PLCG2: variants seen among roughly 807,000 people sequenced by gnomAD.
The protein encoded by PLCG2 is phospholipase C gamma 2.
Under a neutral mutation model 175.6 loss-of-function variants are expected in PLCG2, and 69 were observed. The observed-to-expected ratio is 0.39, with a 90% confidence interval of 0.32 to 0.48. PLCG2 has a LOEUF of 0.48. PLCG2 is among the 20% of genes least tolerant of loss of function. The pLI is 0.91. For synonymous variants in PLCG2, 827 were observed against 624.0 expected, an observed-to-expected ratio of 1.33 and a Z score of -4.85; for missense variants, 1,798 against 1,650.9, an observed-to-expected ratio of 1.09 and a Z score of -1.54.
At chr16:81,946,400 G>C (rs1567545518) in intron 31 of PLCG2, 137 bp downstream of exon 31, 1 of 661,248 alleles carries the variant, frequency 1.5e-6, no homozygotes, top group African/African-American at 1.8e-5. Context: ...CATCATACAA[G>C]AATTCCTTTT....
intron 23 of PLCG2, among the ~76,000 whole-genome samples, chr16:81,928,298 C>T (rs1277692649): frequency 6.6e-6 from 1 of 152,094 alleles, no homozygotes; most frequent in Non-Finnish European, 1.5e-5. Flanking sequence ...CATTATGAAA[C>T]CTGTTCTAGA....
At chr16:81,801,287 A>G (rs1911706015) in intron 2 of PLCG2, among the ~76,000 whole-genome samples, 1 of 152,214 alleles carries the variant, frequency 6.6e-6, no homozygotes, top group South Asian at 2.1e-4. Flanking sequence ...TTCCCTCCCT[A>G]GAGAAATCAG....
chr16:81,803,874 G>A lies in PLCG2; in HGVS notation c.193+17692G>A, dbSNP rs148278838. 2.0e-5 allele frequency among the ~76,000 whole-genome samples: 3 copies of A among 152,204 alleles called. No individual in the cohort carries two copies. The East Asian group carries it at 5.8e-4, about 29-fold the overall frequency. On this transcript the variant is annotated intron_variant, in intron 2 of 32. Transcript: ENST00000564138. ...GTTTTGTATTTTTAATACAGACAGG[G>A]TTTCACTATGTTGGCCAAGCTAGTC...
chr16:81,954,278 C>T (rs1402167317), intron 31 of PLCG2, among the ~76,000 whole-genome samples: 1 of 152,228 alleles, frequency 6.6e-6, no homozygotes, highest in Non-Finnish European at 1.5e-5. Flanking sequence ...ACCTCAGCCT[C>T]CCAAAGTGCT....
chr16:81,883,214 G>A (rs535744756), intron 8 of PLCG2, 55 bp from the exon 9 acceptor site: 17 of 1,520,054 alleles, frequency 1.1e-5, no homozygotes, highest in Middle Eastern at 1.7e-4. Flanking sequence ...ATCTCCTCTC[G>A]ACTCCTCTGT....
At chr16:81,755,535 T>G (rs1909904101) in intron 1 of PLCG2, among the ~76,000 whole-genome samples, 1 of 148,454 alleles carries the variant, frequency 6.7e-6, no homozygotes, top group South Asian at 2.1e-4. Context: ...TCAGCTTCTC[T>G]TATTTTTTGA....
intron 31 of PLCG2, among the ~76,000 whole-genome samples, chr16:81,953,805 A>G (rs1205963053): frequency 6.6e-6 from 1 of 152,198 alleles, no homozygotes; most frequent in Non-Finnish European, 1.5e-5. Context: ...ACCCAGGACT[A>G]CAGTATGTAA....
rs1476765154 is a variant in PLCG2, at chr16:81,927,113, C to A, written c.2449C>A (p.Gln817Lys). ...WKGDYGTRIQ[Q>K]YFPSNYVEDI... ...AGGAGACTATGGAACCAGGATCCAG[C>A]AGTACTTCCCATCCAACTACGTCGA... The change falls in exon 23 of 33, where the codon CAG (glutamine) becomes AAG (lysine). Residue 817 changes from glutamine (Q) to lysine (K), a missense_variant. Physicochemically the swap from Gln to Lys is moderately conservative, Grantham distance 53. Transcript: ENST00000564138. The A allele has an allele frequency of 6.2e-7, 1 of 1,613,630 alleles. No individual in the cohort carries two copies. The highest frequency in any genetic ancestry group is 1.7e-5 in the Admixed American group (1 of 60,018).
intron 16 of PLCG2, among the ~76,000 whole-genome samples, chr16:81,908,093 C>T (rs1300790694): frequency 2.0e-5 from 3 of 152,214 alleles, no homozygotes; most frequent in Non-Finnish European, 4.4e-5. Context: ...GGTCATCTTT[C>T]CCGCTGTTTA....
intron 2 of PLCG2, among the ~76,000 whole-genome samples, chr16:81,813,735 C>G (rs1904418476): frequency 6.6e-6 from 1 of 151,210 alleles, no homozygotes; most frequent in Non-Finnish European, 1.5e-5. Context: ...AGGCAGCTTT[C>G]TGGGCCACCA....
At chr16:81,747,077 C>T (rs945896194) in intron 1 of PLCG2, among the ~76,000 whole-genome samples, 1 of 152,188 alleles carries the variant, frequency 6.6e-6, no homozygotes, top group Non-Finnish European at 1.5e-5. Context: ...CAAGCATTCT[C>T]AAACAGTACT....
chr16:81,921,440 G>C (rs1330036067), intron 21 of PLCG2, 171 bp downstream of exon 21: 16 of 664,358 alleles, frequency 2.4e-5, no homozygotes, highest in South Asian at 1.4e-4. Context: ...ATCAAGCCTA[G>C]TTTCAGGGAA....
intron 11 of PLCG2, 140 bp from the exon 12 acceptor site, chr16:81,893,569 T>G: frequency 1.5e-6 from 1 of 660,200 alleles, no homozygotes; most frequent in South Asian, 1.7e-5. Context: ...GGCCTTAGCT[T>G]TGAGTCTTTC....
chr16:81,780,890 G>C (rs565213877), intron 1 of PLCG2, among the ~76,000 whole-genome samples: 4 of 152,224 alleles, frequency 2.6e-5, no homozygotes, highest in African/African-American at 9.6e-5. Context: ...ACCTGGGCGT[G>C]GTGGTGGCCG....
At chr16:81,889,308 A>G (rs1908522686) in intron 10 of PLCG2, 35 bp downstream of exon 10, 1 of 1,153,662 alleles carries the variant, frequency 8.7e-7, no homozygotes, top group African/African-American at 1.5e-5. Flanking sequence ...CTTGGGGGTG[A>G]CTTTTTGATT....
Position 81,961,739 on chromosome 16 carries a change from C to A in PLCG2, c.*3741C>A, listed in dbSNP as rs1451515834. On this transcript the variant is annotated 3_prime_UTR_variant, in exon 33 of 33. Transcript: ENST00000564138. The stretch of plus-strand genomic sequence containing the variant: ...CTATCAAATAACTTATATTAAGAAC[C>A]TCCTGGGCTAAATTTAAAAAGTAAT... 15 of 205,680 alleles carry A rather than the reference C, an allele frequency of 7.3e-5. No homozygotes were observed. The highest frequency in any genetic ancestry group is 1.5e-4 in the Non-Finnish European group (15 of 100,760). The allele number at this position is 205,680 out of a possible 1,614,324, so 12.7% of individuals were successfully genotyped here.
At chr16:81,781,140 A>C (rs1910712498) in intron 1 of PLCG2, among the ~76,000 whole-genome samples, 1 of 152,218 alleles carries the variant, frequency 6.6e-6, no homozygotes, top group South Asian at 2.1e-4. Flanking sequence ...AATAAAGTCA[A>C]GTTGTATCCT....
intron 2 of PLCG2, among the ~76,000 whole-genome samples, chr16:81,839,600 A>G (rs948169817): frequency 3.3e-5 from 5 of 152,234 alleles, no homozygotes; most frequent in Admixed American, 6.5e-5. Flanking sequence ...TTTATATAGA[A>G]AAGAAACTTG....
At chr16:81,898,357 G>C (rs12924097) in intron 13 of PLCG2, 52,677 of 152,504 alleles carry the variant, frequency 0.35, 10,804 homozygotes, top group East Asian at 0.72. Context: ...AGATTTTGCT[G>C]TCAGTTACAT....
Sources: gnomAD v4.1 joint callset for allele counts (sites outside exome capture counted in the v4.1 genomes callset) on GRCh38, gnomAD v4.1.1 for gene constraint, MANE v1.5 for transcripts, NCBI Gene and HGNC (gene_info 2026-07-23, HGNC 2026-07-21) for gene names.